CCDC33: variants seen among roughly 807,000 people sequenced by gnomAD.
The protein encoded by CCDC33 is coiled-coil domain-containing protein 33.
CCDC33 carries 94 observed loss-of-function variants against 91.9 expected under a neutral mutation model. The ratio of observed to expected loss-of-function variants is 1.02; its 90% CI spans 0.87 to 1.21. The LOEUF (loss-of-function observed/expected upper bound fraction) is 1.21. Among genes scored for constraint, CCDC33 ranks in the 50% most tolerant of loss-of-function variants. The pLI is 0.00. For missense variants in CCDC33, 940 were observed against 935.5 expected (o/e 1.00, Z -0.06); for synonymous variants, 396 against 374.5 (o/e 1.06, Z -0.66).
At position 74,331,256 on chromosome 15, in the gene CCDC33, G is replaced by GC; in HGVS notation, c.1736dup (p.Pro580SerfsTer33). On this transcript the variant is annotated frameshift_variant, in exon 15 of 19. Transcript: ENST00000398814. LOFTEE classifies it high-confidence loss of function. ...AGGACAGGCTGCAGGACAGGAGCAA[G>GC]CCCCCTCCTCTGAACAGGCAGCAGG... 1 of 1,614,152 alleles carries GC rather than the reference G, an allele frequency of 6.2e-7. No homozygotes were observed.
intron 10 of CCDC33, among the ~76,000 whole-genome samples, chr15:74,287,450 GC>G (rs1405319199): frequency 1.3e-5 from 2 of 152,154 alleles, no homozygotes. Flanking sequence ...ACCCACAGGT[GC>G]CCTTTCCCTC....
At chr15:74,321,225 C>T (rs80259600) in intron 11 of CCDC33, among the ~76,000 whole-genome samples, 1,789 of 152,110 alleles carry the variant, frequency 0.012, 28 homozygotes, top group African/African-American at 0.041. Flanking sequence ...GTGGTTAATT[C>T]GCTTTATTTT....
chr15:74,224,422 C>T (rs2074719933), intron 2 of CCDC33, among the ~76,000 whole-genome samples: 1 of 152,200 alleles, frequency 6.6e-6, no homozygotes, highest in Non-Finnish European at 1.5e-5. Flanking sequence ...ATATTTGTGT[C>T]CTTGCCCAAG....
chr15:74,283,014 C>T (rs767758036), intron 10 of CCDC33, among the ~76,000 whole-genome samples: 1 of 152,216 alleles, frequency 6.6e-6, no homozygotes. Context: ...GCACTTGGCT[C>T]TGTGACCTCA....
At chr15:74,227,398 G>GA (rs773625917) in intron 2 of CCDC33, among the ~76,000 whole-genome samples, 28 of 152,236 alleles carry the variant, frequency 1.8e-4, no homozygotes, top group Non-Finnish European at 3.5e-4. Flanking sequence ...CTGGGCACGT[G>GA]AAAGGATCAC....
rs759978470 is a variant in CCDC33 at position 74,335,102 on chromosome 15, CT to C, written c.2139+15del. Reference sequence around the variant, plus strand: ...ATAGAACAGCCTGTGAGTGACCCCCCTGGAGTAGCTCCCAGGGGTTCAGGTG... The same window carrying C: ...ATAGAACAGCCTGTGAGTGACCCCCCGGAGTAGCTCCCAGGGGTTCAGGTG... On this transcript the variant is annotated intron_variant, in intron 18 of 18. Transcript: ENST00000398814. The C allele has an allele frequency of 6.3e-7, 1 of 1,585,598 alleles. No individual in the cohort carries two copies. The highest frequency in any genetic ancestry group is 8.7e-7 in the Non-Finnish European group (1 of 1,153,980).
At chr15:74,254,968 G>A (rs1421276416) in intron 2 of CCDC33, among the ~76,000 whole-genome samples, 1 of 151,952 alleles carries the variant, frequency 6.6e-6, no homozygotes, top group African/African-American at 2.4e-5. Flanking sequence ...AGCTGGTCTC[G>A]AACTCCTGAT....
chr15:74,335,318 C>G, intron 18 of CCDC33: 1 of 610,480 alleles, frequency 1.6e-6, no homozygotes, highest in South Asian at 1.9e-5. Context: ...TACCCTTTCC[C>G]CCATGGGGTG....
chr15:74,219,820 G>T lies in CCDC33; in HGVS notation c.675+959G>T, dbSNP rs1301490591. 3.9e-5 allele frequency among the ~76,000 whole-genome samples: 6 copies of T among 152,182 alleles called. No homozygotes were observed. In the East Asian group the frequency reaches 1.2e-3, roughly 29 times the overall value. ...ATAGCAATACTGGGCTTTGGGGAGG[G>T]TATTCCAGGAGGAGGGACCATGATA... On this transcript the variant is annotated intron_variant, in intron 2 of 2. Transcript: ENST00000635913.
chr15:74,208,936 C>G (rs2074323410), intron 1 of CCDC33: 3 of 996,542 alleles, frequency 3.0e-6, no homozygotes, highest in Non-Finnish European at 3.6e-6. Flanking sequence ...CCAGCACCAG[C>G]TGGGCTGGGA....
chr15:74,240,979 G>A (rs1450201103), intron 1 of CCDC33, among the ~76,000 whole-genome samples: 2 of 152,208 alleles, frequency 1.3e-5, no homozygotes, highest in Admixed American at 6.5e-5. Context: ...CTGGGGAGTG[G>A]GGGGGTCATG....
intron 3 of CCDC33, among the ~76,000 whole-genome samples, chr15:74,265,999 G>A (rs770168192): frequency 1.3e-5 from 2 of 152,212 alleles, no homozygotes; most frequent in Non-Finnish European, 2.9e-5. Flanking sequence ...ACTCCAGCCT[G>A]GGTGACAAAG....
intron 2 of CCDC33, chr15:74,221,396 G>C: frequency 1.2e-6 from 1 of 820,092 alleles, no homozygotes; most frequent in Non-Finnish European, 1.5e-6. Flanking sequence ...AAACTTCCAC[G>C]ACTGGCTTTG....
intron 2 of CCDC33, chr15:74,209,732 T>G: frequency 2.5e-6 from 1 of 402,350 alleles, no homozygotes; most frequent in Non-Finnish European, 4.4e-6. Context: ...TCCCTCCCCT[T>G]CCTAGAGGGG....
chr15:74,271,705 C>T lies in CCDC33; in HGVS notation c.549C>T (p.Ile183=), dbSNP rs1390215968. The T allele has an allele frequency of 6.2e-7, 1 of 1,613,190 alleles. No homozygotes were observed. Among genetic ancestry groups the T allele is most frequent in the Non-Finnish European group, 8.5e-7 (1 of 1,179,214 alleles). ...GCCTCCTCTCCTCTCCTCTCCAGAT[C>T]TTTCTCCGGGGAGTCAACGAGCCCC... The part of the protein sequence containing the change: ...YIGCNHMALE[I]FLRGVNEPLA... The change falls in exon 6 of 19, where the codon ATC becomes ATT. Residue 183 remains isoleucine (I), a splice_region_variant and synonymous_variant. Transcript: ENST00000398814.
chr15:74,332,507 G>T (rs1202735013), intron 15 of CCDC33, among the ~76,000 whole-genome samples, 172 bp from the exon 16 acceptor site: 2 of 152,240 alleles, frequency 1.3e-5, no homozygotes, highest in Non-Finnish European at 2.9e-5. Context: ...GTTCTAAAGA[G>T]CCTAGAAGGA....
At chr15:74,242,373 G>GC (rs2075376758) in intron 1 of CCDC33, among the ~76,000 whole-genome samples, 1 of 152,196 alleles carries the variant, frequency 6.6e-6, no homozygotes, top group South Asian at 2.1e-4. Flanking sequence ...CAAAACCAGA[G>GC]CCCGTCCAGG....
intron 10 of CCDC33, among the ~76,000 whole-genome samples, chr15:74,288,474 A>C (rs1450818435): frequency 1.3e-5 from 2 of 152,086 alleles, no homozygotes; most frequent in African/African-American, 4.8e-5. Context: ...CTCTGAATAC[A>C]TTCTCCCCTT....
Position 74,295,198 on chromosome 15 carries a change from G to GTGCC in CCDC33, c.1096-554_1096-551dup, listed in dbSNP as rs562654780. ...TATTCTTCCACCAAAAATGTATTGAGTGCCTACAATGAGCCAGAGACTAGG... is the reference window on the plus strand; with the variant it reads ...TATTCTTCCACCAAAAATGTATTGAGTGCCTGCCTACAATGAGCCAGAGACTAGG... On this transcript the variant is annotated intron_variant, in intron 10 of 18. Transcript: ENST00000398814. 3.3e-5 allele frequency among the ~76,000 whole-genome samples: 5 copies of GTGCC among 152,326 alleles called. No homozygotes were observed. In the East Asian group the frequency reaches 9.6e-4, roughly 29 times the overall value.
Sources: gnomAD v4.1 joint callset for allele counts (sites outside exome capture counted in the v4.1 genomes callset) on GRCh38, gnomAD v4.1.1 for gene constraint, MANE v1.5 for transcripts, NCBI Gene and HGNC (gene_info 2026-07-23, HGNC 2026-07-21) for gene names.